Variants in YEATS2 observed in about 807,000 individuals in gnomAD.
The protein encoded by YEATS2 is YEATS domain-containing protein 2.
In YEATS2, 77 loss-of-function variants were observed where a neutral mutation model predicts 163.2. That is an observed-to-expected ratio of 0.47 (90% CI 0.39 to 0.57). YEATS2 has a LOEUF of 0.57. YEATS2 is among the 20% of genes least tolerant of loss of function. The pLI is 0.00. For synonymous variants in YEATS2, 631 were observed against 645.1 expected (o/e 0.98, Z 0.33); for missense variants, 1,549 against 1,729.8 (o/e 0.90, Z 1.85).
intron 1 of YEATS2, among the ~76,000 whole-genome samples, chr3:183,703,684 C>T (rs1367178535): frequency 6.6e-6 from 1 of 152,084 alleles, no homozygotes; most frequent in Non-Finnish European, 1.5e-5. Context: ...AGGGCTTCTG[C>T]ATGCCTAATG....
chr3:183,721,694 A>C (rs1716505221), intron 4 of YEATS2, among the ~76,000 whole-genome samples, 197 bp from the exon 5 acceptor site: 1 of 152,166 alleles, frequency 6.6e-6, no homozygotes, highest in Admixed American at 6.5e-5. Flanking sequence ...ACTTTACATA[A>C]TTATTCATCA....
intron 21 of YEATS2, 119 bp from the exon 22 acceptor site, chr3:183,797,804 C>A: frequency 1.6e-6 from 2 of 1,285,912 alleles, no homozygotes; most frequent in Non-Finnish European, 2.2e-6. Context: ...TCTTTGTTTA[C>A]TGGAAGGTTA....
chr3:183,772,146 A>C (rs920665344), intron 15 of YEATS2, among the ~76,000 whole-genome samples, 159 bp from the exon 16 acceptor site: 3 of 152,190 alleles, frequency 2.0e-5, no homozygotes, highest in African/African-American at 7.2e-5. Context: ...AAGTGTAAGA[A>C]ATACAGTTGC....
chr3:183,752,279 G>A (rs762223047), intron 10 of YEATS2, 26 bp downstream of exon 10: 3 of 1,613,590 alleles, frequency 1.9e-6, no homozygotes, highest in South Asian at 2.2e-5. Context: ...TCCTTGCATA[G>A]CGTTGTTCTG....
At chr3:183,753,115 A>G (rs1489914474) in intron 10 of YEATS2, among the ~76,000 whole-genome samples, 2 of 152,158 alleles carry the variant, frequency 1.3e-5, no homozygotes, top group African/African-American at 4.8e-5. Flanking sequence ...GATTTTTATC[A>G]CTTGATAATT....
chr3:183,727,868 C>CTAGA (rs773314646), intron 6 of YEATS2, among the ~76,000 whole-genome samples: 9 of 152,054 alleles, frequency 5.9e-5, no homozygotes, highest in Admixed American at 1.3e-4. Flanking sequence ...AACCCGAAGG[C>CTAGA]TAGAGCTTCC....
chr3:183,727,286 C>G (rs1041165307), intron 6 of YEATS2, among the ~76,000 whole-genome samples: 4 of 152,076 alleles, frequency 2.6e-5, no homozygotes, highest in African/African-American at 7.2e-5. Flanking sequence ...ACTACAGATG[C>G]TGTACTATTA....
chr3:183,758,937 G>T lies in YEATS2; in HGVS notation c.1628G>T (p.Gly543Val), dbSNP rs1367843284. ...GGTTCCCCTGTTCCTAAAATTCATGGAAGTAGTTTTGTAACATCTACTGTC... is the reference window on the plus strand; with the variant it reads ...GGTTCCCCTGTTCCTAAAATTCATGTAAGTAGTTTTGTAACATCTACTGTC... Reference protein sequence around the residue: ...GTGSPVPKIHGSSFVTSTVKQ... With the variant: ...GTGSPVPKIHVSSFVTSTVKQ... Residue 543 changes from glycine (G) to valine (V), a missense_variant, in exon 13 of 31, where the codon GGA becomes GTA. Transcript: ENST00000305135. 1 of 1,590,818 alleles carries T rather than the reference G, an allele frequency of 6.3e-7. No individual in the cohort carries two copies. The highest frequency in any genetic ancestry group is 8.5e-7 in the Non-Finnish European group (1 of 1,172,412).
At chr3:183,765,076 G>A (rs548381207) in intron 15 of YEATS2, among the ~76,000 whole-genome samples, 47 of 152,206 alleles carry the variant, frequency 3.1e-4, no homozygotes, top group Non-Finnish European at 5.7e-4. Context: ...TTCGTAGCCA[G>A]AATGACTAAG....
chr3:183,776,695 T>C (rs1380244280), intron 18 of YEATS2, among the ~76,000 whole-genome samples: 1 of 152,166 alleles, frequency 6.6e-6, no homozygotes, highest in Non-Finnish European at 1.5e-5. Flanking sequence ...GGCTCACGCC[T>C]GTAATCCCAG....
Position 183,798,984 on chromosome 3 carries a change from C to T in YEATS2, c.3320C>T (p.Ala1107Val), listed in dbSNP as rs1193263089. The change falls in exon 23 of 31, where the codon GCA becomes GTA. Residue 1107 changes from alanine (A) to valine (V), a missense_variant. By Grantham distance (64) the Ala-to-Val change is moderately conservative. Transcript: ENST00000305135. ...VVPSSAPAAV[A>V]KVKTEPETPG... is the part of the protein sequence containing the mutation. ...CCCAGCTCTGCTCCAGCAGCTGTTGCAAAAGGTACGTAGGATCTCACAGAG... is the reference window on the plus strand; with the variant it reads ...CCCAGCTCTGCTCCAGCAGCTGTTGTAAAAGGTACGTAGGATCTCACAGAG... The T allele has an allele frequency of 5.6e-6, 9 of 1,612,858 alleles. No individual in the cohort carries two copies. The highest frequency in any genetic ancestry group is 7.6e-6 in the Non-Finnish European group (9 of 1,178,972).
intron 15 of YEATS2, among the ~76,000 whole-genome samples, chr3:183,765,094 TC>T (rs1486343090): frequency 6.6e-6 from 1 of 152,148 alleles, no homozygotes; most frequent in Non-Finnish European, 1.5e-5. Flanking sequence ...AAGACAGGCA[TC>T]CCCAACTGCT....
Position 183,722,047 on chromosome 3 carries a change from T to C in YEATS2, c.448T>C (p.Leu150=). ...SDSLSQHNDF[L]SDKDNNSNMD... is the part of the protein sequence containing the mutation. ...TTCTTTATCTCAGCACAATGACTTCTTATCTGACAAAGATAATAACAGCAA... is the reference window on the plus strand; with the variant it reads ...TTCTTTATCTCAGCACAATGACTTCCTATCTGACAAAGATAATAACAGCAA... The change falls in exon 5 of 31, where the codon TTA becomes CTA. Residue 150 remains leucine (L), a synonymous_variant. Coordinates refer to ENST00000305135, the MANE Select transcript of YEATS2 (RefSeq NM_018023.5). 1 of 1,614,148 alleles carries C rather than the reference T, an allele frequency of 6.2e-7. No individual in the cohort carries two copies. Among genetic ancestry groups the C allele is most frequent in the Non-Finnish European group, 8.5e-7 (1 of 1,180,024 alleles).
chr3:183,698,254 G>A (rs1713688869), intron 1 of YEATS2, among the ~76,000 whole-genome samples: 1 of 152,194 alleles, frequency 6.6e-6, no homozygotes, highest in African/African-American at 2.4e-5. Flanking sequence ...GCGCTGAGGG[G>A]ATACGGGACC....
intron 15 of YEATS2, among the ~76,000 whole-genome samples, chr3:183,770,608 T>G (rs534754237): frequency 1.9e-4 from 29 of 152,362 alleles, no homozygotes; most frequent in African/African-American, 7.0e-4. Flanking sequence ...TCTGATAAAG[T>G]TGAAGTCCAC....
At chr3:183,785,160 C>T (rs905566073) in intron 19 of YEATS2, among the ~76,000 whole-genome samples, 47 of 151,882 alleles carry the variant, frequency 3.1e-4, no homozygotes, top group African/African-American at 1.1e-3. Flanking sequence ...AATGGTGACC[C>T]TGTCTCTGAA....
chr3:183,756,214 C>T (rs1720751344), intron 11 of YEATS2, among the ~76,000 whole-genome samples: 1 of 152,144 alleles, frequency 6.6e-6, no homozygotes, highest in South Asian at 2.1e-4. Context: ...AAGGTGCATA[C>T]CAGGAGATCT....
rs1434062114 is a variant in YEATS2 at position 183,811,780 on chromosome 3, G to C, written c.*1197G>C. The C allele has an allele frequency of 4.6e-5, 7 of 152,250 alleles. No homozygotes were observed. Among genetic ancestry groups the C allele is most frequent in the African/African-American group, 1.7e-4 (7 of 41,456 alleles). The allele number at this position is 152,250 out of a possible 1,614,324, so 9.4% of individuals were successfully genotyped here. The stretch of plus-strand genomic sequence containing the variant: ...AGGCAGAACAAAGAATGCATGCCCA[G>C]TCAGAAATCTGTTCTATTCTGCTCC... On this transcript the variant is annotated 3_prime_UTR_variant, in exon 31 of 31. Coordinates refer to ENST00000305135, the MANE Select transcript of YEATS2 (RefSeq NM_018023.5).
chr3:183,742,445 A>G lies in YEATS2; in HGVS notation c.925-5227A>G, dbSNP rs534121833. ...CAACCTTCGTGGATGACTTAAGTTC[A>G]AGACTTCAGCGGAGGAATTAGCTGC... On this transcript the variant is annotated intron_variant, in intron 8 of 30. Transcript: ENST00000305135. Among the ~76,000 whole-genome samples, 10 of 152,324 alleles carry G rather than the reference A, an allele frequency of 6.6e-5. No homozygotes were observed. In the South Asian group the frequency reaches 2.1e-3, roughly 32 times the overall value.
Sources: gnomAD v4.1 joint callset for allele counts (sites outside exome capture counted in the v4.1 genomes callset) on GRCh38, gnomAD v4.1.1 for gene constraint, MANE v1.5 for transcripts, NCBI Gene and HGNC (gene_info 2026-07-23, HGNC 2026-07-21) for gene names.